Variants in RSU1 observed in about 807,000 individuals in gnomAD.
The protein encoded by RSU1 is rsu-1.
A neutral mutation model predicts 31.1 loss-of-function variants in RSU1; 26 were observed. The ratio of observed to expected loss-of-function variants is 0.84; its 90% CI spans 0.61 to 1.16. RSU1 has a LOEUF of 1.16. Among genes scored for constraint, RSU1 ranks in the 50% most tolerant of loss-of-function variants. The pLI, the probability that RSU1 is intolerant of heterozygous loss-of-function variation, is 0.00. For missense variants in RSU1, 320 were observed against 339.1 expected, an observed-to-expected ratio of 0.94 and a Z score of 0.44; for synonymous variants, 164 against 136.3, an observed-to-expected ratio of 1.20 and a Z score of -1.41.
chr10:16,754,949 G>A lies in RSU1; in HGVS notation c.322C>T (p.Leu108=), dbSNP rs1471555173. 1 of 1,613,660 alleles carries A rather than the reference G, an allele frequency of 6.2e-7. No individual in the cohort carries two copies. The highest frequency in any genetic ancestry group is 1.1e-5 in the South Asian group (1 of 91,026). The change falls in exon 5 of 9, where the codon CTG becomes TTG. Residue 108 remains leucine (L), a synonymous_variant. Transcript: ENST00000345264. ...AAGTCCAGAACCTCAAGAGCTGGCAGGGAGCCGAAGCCTCGTGGCAAAGTG... is the reference window on the plus strand; with the variant it reads ...AAGTCCAGAACCTCAAGAGCTGGCAAGGAGCCGAAGCCTCGTGGCAAAGTG... ...LNTLPRGFGS[L]PALEVLDLTY...
intron 8 of RSU1, among the ~76,000 whole-genome samples, chr10:16,631,325 C>G (rs1274026521): frequency 6.6e-6 from 1 of 152,176 alleles, no homozygotes; most frequent in Admixed American, 6.5e-5. Context: ...CAAATAAGCC[C>G]AGGGCGCACT....
chr10:16,599,802 G>A (rs747536672), intron 8 of RSU1, among the ~76,000 whole-genome samples: 3 of 152,194 alleles, frequency 2.0e-5, no homozygotes, highest in Non-Finnish European at 4.4e-5. Context: ...CGTGCTGCCC[G>A]GAATCTGCAC....
chr10:16,812,985 CTTT>C (rs34410264), intron 2 of RSU1, among the ~76,000 whole-genome samples: 1 of 145,392 alleles, frequency 6.9e-6, no homozygotes. Flanking sequence ...TGCTGGGAAG[CTTT>C]TTTTTTTTTT....
At chr10:16,619,400 A>T (rs1834032283) in intron 8 of RSU1, among the ~76,000 whole-genome samples, 1 of 152,166 alleles carries the variant, frequency 6.6e-6, no homozygotes, top group African/African-American at 2.4e-5. Context: ...TGTCAACGGG[A>T]ACAACTGCTG....
At chr10:16,653,053 G>GA (rs1332674009) in intron 8 of RSU1, among the ~76,000 whole-genome samples, 1 of 151,870 alleles carries the variant, frequency 6.6e-6, no homozygotes, top group South Asian at 2.1e-4. Context: ...AAAATCTAGG[G>GA]AAAAAAATAC....
rs199804853 is a variant in RSU1 at position 16,695,166 on chromosome 10, G to C, written c.599-11C>G. 30 of 1,381,732 alleles carry C rather than the reference G, an allele frequency of 2.2e-5. No homozygotes were observed. The highest frequency in any genetic ancestry group is 2.0e-4 in the Middle Eastern group (1 of 5,094). The allele number at this position is 1,381,732 out of a possible 1,614,324, so 85.6% of individuals were successfully genotyped here. ...TTAAATCCAAGTTTCCTGGGGGGGG[G>C]GAAAAAAAAAGTGAAGGTCACTTCA... On this transcript the variant is annotated splice_polypyrimidine_tract_variant and intron_variant, in intron 7 of 8. Transcript: ENST00000345264.
chr10:16,780,713 C>A (rs531906785), intron 3 of RSU1, among the ~76,000 whole-genome samples: 2 of 152,222 alleles, frequency 1.3e-5, no homozygotes, highest in Admixed American at 1.3e-4. Flanking sequence ...ACGTGGTCCA[C>A]GCTTCAAAAC....
At position 16,750,850 on chromosome 10, in the gene RSU1, G is replaced by A. The variant is rs114254380; in HGVS notation, c.598+1689C>T. On this transcript the variant is annotated intron_variant, in intron 7 of 8. Coordinates refer to ENST00000345264, the MANE Select transcript of RSU1 (RefSeq NM_012425.4). ...CTAACATCTGTGGTTATTAACCACT[G>A]TACAAGATCTCTCTTTTTTTTTTTT... Among the ~76,000 whole-genome samples the A allele has an allele frequency of 6.4e-3, 963 of 150,032 alleles. 7 individuals carry two copies. The highest frequency in any genetic ancestry group is 0.023 in the African/African-American group (912 of 40,528).
intron 7 of RSU1, among the ~76,000 whole-genome samples, chr10:16,748,552 A>G (rs1352203236): frequency 6.6e-6 from 1 of 152,208 alleles, no homozygotes; most frequent in Non-Finnish European, 1.5e-5. Context: ...GGACGGGAGC[A>G]TCTATAGGAG....
intron 8 of RSU1, among the ~76,000 whole-genome samples, chr10:16,651,309 T>A (rs11598478): frequency 0.2 from 30,825 of 152,202 alleles, 3,851 homozygotes; most frequent in South Asian, 0.36. Context: ...TTCATTTATT[T>A]TGCCAACTTT....
chr10:16,672,984 C>G (rs774953356), intron 8 of RSU1, among the ~76,000 whole-genome samples: 1 of 152,232 alleles, frequency 6.6e-6, no homozygotes, highest in Non-Finnish European at 1.5e-5. Context: ...CCCAGGCAGC[C>G]TGTTTCCAGG....
At chr10:16,654,403 C>T (rs1834737332) in intron 8 of RSU1, among the ~76,000 whole-genome samples, 1 of 145,632 alleles carries the variant, frequency 6.9e-6, no homozygotes, top group South Asian at 2.2e-4. Flanking sequence ...GGTGTGGTGG[C>T]TCATGCTTGT....
At chr10:16,713,341 T>C (rs1836062037) in intron 7 of RSU1, among the ~76,000 whole-genome samples, 1 of 152,194 alleles carries the variant, frequency 6.6e-6, no homozygotes, top group Admixed American at 6.5e-5. Flanking sequence ...ATGCACACAT[T>C]TGTTCATTTA....
chr10:16,669,092 G>C (rs1381392979), intron 8 of RSU1, among the ~76,000 whole-genome samples: 1 of 152,106 alleles, frequency 6.6e-6, no homozygotes, highest in African/African-American at 2.4e-5. Flanking sequence ...GTAAGTTTCT[G>C]TTAAGAGGAA....
intron 2 of RSU1, among the ~76,000 whole-genome samples, chr10:16,809,485 G>A (rs1838355234): frequency 6.6e-6 from 1 of 152,140 alleles, no homozygotes. Context: ...GCCTCCCAGG[G>A]AGCCCAGGAG....
rs142413869 is a variant in RSU1, at chr10:16,682,047, TGAGAA to T, written c.731+12971_731+12975del. Among the ~76,000 whole-genome samples, 273 of 152,166 alleles carry T rather than the reference TGAGAA, an allele frequency of 1.8e-3. 10 individuals carry two copies. In the East Asian group the frequency reaches 0.048, roughly 27 times the overall value. On this transcript the variant is annotated intron_variant, in intron 8 of 8. Coordinates refer to ENST00000345264, the MANE Select transcript of RSU1 (RefSeq NM_012425.4). ...AGAAAGCAAGCCAGCTTTAACTACA[TGAGAA>T]GAGAATTCTGTGCCTCTTGATGCTA... is the stretch of plus-strand genomic sequence containing the variant.
At chr10:16,674,462 C>A (rs1835184738) in intron 8 of RSU1, among the ~76,000 whole-genome samples, 1 of 148,964 alleles carries the variant, frequency 6.7e-6, no homozygotes, top group Non-Finnish European at 1.5e-5. Context: ...ACAAAGTATG[C>A]TTGAAACAAC....
chr10:16,679,235 CT>C (rs1267757497), intron 8 of RSU1, among the ~76,000 whole-genome samples: 1 of 152,120 alleles, frequency 6.6e-6, no homozygotes, highest in African/African-American at 2.4e-5. Context: ...ATATAAGACA[CT>C]GGGGATGTCA....
At chr10:16,675,096 T>C (rs1005344327) in intron 8 of RSU1, among the ~76,000 whole-genome samples, 1 of 149,302 alleles carries the variant, frequency 6.7e-6, no homozygotes, top group African/African-American at 2.5e-5. Context: ...ACCCCAGCTG[T>C]TTGGGAGGCT....
Sources: gnomAD v4.1 joint callset for allele counts (sites outside exome capture counted in the v4.1 genomes callset) on GRCh38, gnomAD v4.1.1 for gene constraint, MANE v1.5 for transcripts, NCBI Gene and HGNC (gene_info 2026-07-23, HGNC 2026-07-21) for gene names.